Variants in BNC2 observed in about 807,000 individuals in gnomAD.
BNC2 encodes basonuclin zinc finger protein 2.
In BNC2, 20 loss-of-function variants were observed where a neutral mutation model predicts 76.3. The observed-to-expected ratio is 0.26, with a 90% CI of 0.18 to 0.38. BNC2 has a LOEUF of 0.38. BNC2 is among the 10% of genes least tolerant of loss of function. The pLI is 1.00. For missense variants in BNC2, 1,382 were observed against 1,399.8 expected (o/e 0.99, Z 0.20); for synonymous variants, 582 against 514.8 (o/e 1.13, Z -1.77).
At chr9:16,566,725 T>C (rs1819180181) in intron 4 of BNC2, among the ~76,000 whole-genome samples, 3 of 152,140 alleles carry the variant, frequency 2.0e-5, no homozygotes, top group Admixed American at 2.0e-4. Context: ...GATGGCCTTA[T>C]AGCTATAGAA....
chr9:16,602,363 T>G (rs1022689011), intron 3 of BNC2, among the ~76,000 whole-genome samples: 27 of 152,204 alleles, frequency 1.8e-4, no homozygotes, highest in African/African-American at 6.3e-4. Flanking sequence ...AACTTAGTAT[T>G]TGGAAGTCCC....
chr9:16,454,319 T>C (rs995745347), intron 5 of BNC2, among the ~76,000 whole-genome samples: 3 of 150,140 alleles, frequency 2.0e-5, no homozygotes, highest in Non-Finnish European at 4.4e-5. Flanking sequence ...TTTTTAATTT[T>C]AGAGAGAGGG....
intron 3 of BNC2, among the ~76,000 whole-genome samples, chr9:16,675,250 G>A (rs562973974): frequency 1.3e-5 from 2 of 148,680 alleles, no homozygotes; most frequent in South Asian, 4.4e-4. Flanking sequence ...ACTAAATTGA[G>A]TTAATTTTTT....
chr9:16,828,005 G>C (rs889531956), intron 1 of BNC2, among the ~76,000 whole-genome samples: 2 of 152,144 alleles, frequency 1.3e-5, no homozygotes, highest in Admixed American at 1.3e-4. Context: ...ACTGAAAGCA[G>C]TATTTCTACT....
chr9:16,529,192 T>C (rs564742382), intron 5 of BNC2, among the ~76,000 whole-genome samples: 81 of 152,296 alleles, frequency 5.3e-4, no homozygotes, highest in African/African-American at 1.9e-3. Context: ...TAATCACATC[T>C]GCAAAAACCC....
intron 6 of BNC2, chr9:16,429,901 A>G (rs753491654): frequency 4.0e-6 from 2 of 505,874 alleles, no homozygotes; most frequent in South Asian, 2.9e-5. Context: ...CTGGGCCAGC[A>G]GGAGGTCATT....
intron 6 of BNC2, among the ~76,000 whole-genome samples, chr9:16,422,089 C>T (rs1185715958): frequency 6.6e-6 from 1 of 152,216 alleles, no homozygotes; most frequent in Non-Finnish European, 1.5e-5. Context: ...CCCAGATGGA[C>T]ACATCTTCCC....
intron 1 of BNC2, among the ~76,000 whole-genome samples, chr9:16,776,285 A>G (rs4961758): frequency 6.6e-6 from 1 of 151,796 alleles, no homozygotes; most frequent in Non-Finnish European, 1.5e-5. Context: ...GGATTACAGG[A>G]GCCCACCACC....
chr9:16,605,870 C>G (rs1259657480), intron 3 of BNC2, among the ~76,000 whole-genome samples: 1 of 144,068 alleles, frequency 6.9e-6, no homozygotes. Context: ...TTCACTGTAA[C>G]CTTAACCCTC....
At chr9:16,804,134 C>T (rs541603634) in intron 1 of BNC2, among the ~76,000 whole-genome samples, 3 of 152,200 alleles carry the variant, frequency 2.0e-5, no homozygotes, top group Admixed American at 2.0e-4. Context: ...AGTAGTTTGC[C>T]GCTAGCTATA....
chr9:16,528,024 G>A (rs1236025214), intron 5 of BNC2, among the ~76,000 whole-genome samples: 2 of 152,308 alleles, frequency 1.3e-5, no homozygotes, highest in East Asian at 3.9e-4. Flanking sequence ...CAACAGAACA[G>A]ATGCCAAATG....
chr9:16,460,182 T>C (rs755263165), intron 5 of BNC2, among the ~76,000 whole-genome samples: 6 of 152,166 alleles, frequency 3.9e-5, no homozygotes, highest in Non-Finnish European at 7.3e-5. Flanking sequence ...TAGTACATCA[T>C]TGAAGGGAAA....
At chr9:16,842,925 T>C (rs1280495958) in intron 1 of BNC2, among the ~76,000 whole-genome samples, 3 of 152,178 alleles carry the variant, frequency 2.0e-5, no homozygotes, top group African/African-American at 7.2e-5. Flanking sequence ...CTAATTTTTG[T>C]ATTTTTAGTA....
chr9:16,556,328 C>CCT (rs1482015785), intron 4 of BNC2, among the ~76,000 whole-genome samples: 1 of 151,920 alleles, frequency 6.6e-6, no homozygotes, highest in Non-Finnish European at 1.5e-5. Context: ...CACAAACAGA[C>CCT]ACCTCACCAG....
At chr9:16,505,870 C>T (rs1248977973) in intron 5 of BNC2, among the ~76,000 whole-genome samples, 1 of 152,142 alleles carries the variant, frequency 6.6e-6, no homozygotes. Context: ...CTCATTTTAG[C>T]ACATTTGTAG....
At chr9:16,583,290 G>A (rs1031683500) in intron 3 of BNC2, among the ~76,000 whole-genome samples, 1 of 152,018 alleles carries the variant, frequency 6.6e-6, no homozygotes, top group Admixed American at 6.6e-5. Flanking sequence ...CTAATACAAT[G>A]TTTTAGGTCA....
intron 3 of BNC2, among the ~76,000 whole-genome samples, chr9:16,642,646 T>C (rs1821520555): frequency 1.3e-5 from 2 of 152,186 alleles, no homozygotes; most frequent in Admixed American, 6.6e-5. Flanking sequence ...TCATCACTAA[T>C]ATCCCATGCT....
chr9:16,689,200 G>C (rs1288556532), intron 3 of BNC2, among the ~76,000 whole-genome samples: 1 of 142,860 alleles, frequency 7.0e-6, no homozygotes, highest in Non-Finnish European at 1.5e-5. Context: ...TTAGGGACCA[G>C]ACTTCTGAAA....
At chr9:16,632,122 T>C (rs568693770) in intron 3 of BNC2, among the ~76,000 whole-genome samples, 1 of 152,178 alleles carries the variant, frequency 6.6e-6, no homozygotes, top group Non-Finnish European at 1.5e-5. Flanking sequence ...GCAGTGAGAA[T>C]GCTCAGTCTC....
Sources: allele counts gnomAD v4.1 joint callset (sites outside exome capture counted in the v4.1 genomes callset), GRCh38; gene constraint gnomAD v4.1.1; transcripts MANE v1.5; gene names NCBI Gene and HGNC (gene_info 2026-07-23, HGNC 2026-07-21).